The following TSNAXIP1 variants were observed in gnomAD, a reference collection of about 807,000 sequenced individuals.
TSNAXIP1 encodes translin-associated factor X-interacting protein 1.
TSNAXIP1 carries 89 observed loss-of-function variants against 84.8 expected under a neutral mutation model. The ratio of observed to expected loss-of-function variants is 1.05; its 90% CI spans 0.88 to 1.25. The LOEUF is 1.25. Ranked by LOEUF, TSNAXIP1 falls within the 50% of genes most tolerant of loss-of-function variation. The pLI, the probability that TSNAXIP1 is intolerant of heterozygous loss-of-function variation, is 0.00. For missense variants in TSNAXIP1, 874 were observed against 887.6 expected, an observed-to-expected ratio of 0.98 and a Z score of 0.20; for synonymous variants, 347 against 335.2, an observed-to-expected ratio of 1.04 and a Z score of -0.39.
rs539290596 is a variant in TSNAXIP1 at position 67,823,696 on chromosome 16, A to C, written c.458A>C (p.Lys153Thr). The change falls in exon 5 of 16, where the codon AAG becomes ACG. Residue 153 changes from lysine (K) to threonine (T), a missense_variant. Physicochemically the swap from Lys to Thr is moderately conservative, Grantham distance 78. Coordinates refer to ENST00000561639, the MANE Select transcript of TSNAXIP1 (RefSeq NM_001288990.3). ...TACAAGCCATTACTATCCTCCATCA[A>C]GAATGCGTATGAGGGGATGCTGGGT... ...KTYKPLLSSI[K>T]NAYEGMLAHQ... 4 of 1,613,502 alleles carry C rather than the reference A, an allele frequency of 2.5e-6. No homozygotes were observed. Among genetic ancestry groups the C allele is most frequent in the Non-Finnish European group, 3.4e-6 (4 of 1,179,694 alleles).
intron 13 of TSNAXIP1, 51 bp downstream of exon 13, chr16:67,827,123 T>C (rs770274864): frequency 6.8e-6 from 11 of 1,607,348 alleles, no homozygotes; most frequent in South Asian, 5.5e-5. Flanking sequence ...TATTCCTGCA[T>C]CTGTAGGGAA....
In TSNAXIP1 at chr16:67,828,020, A is replaced by G; in HGVS notation, c.*27A>G. 6.2e-7 allele frequency: 1 copy of G among 1,609,074 alleles called. No homozygotes were observed. ...AACTTGTGGGCAGCCTGCGTACTCCAGTCCTGCTAACCCCTAGCTTTTAAT... is the reference window on the plus strand; with the variant it reads ...AACTTGTGGGCAGCCTGCGTACTCCGGTCCTGCTAACCCCTAGCTTTTAAT... On this transcript the variant is annotated 3_prime_UTR_variant, in exon 16 of 16. Transcript: ENST00000561639.
At chr16:67,822,947 T>C (rs2057179210) in intron 4 of TSNAXIP1, among the ~76,000 whole-genome samples, 1 of 152,174 alleles carries the variant, frequency 6.6e-6, no homozygotes. Flanking sequence ...GGTACAACCT[T>C]CAATCTCCTG....
At chr16:67,826,912 G>T in intron 12 of TSNAXIP1, 51 bp from the exon 13 acceptor site, 1 of 1,612,670 alleles carries the variant, frequency 6.2e-7, no homozygotes, top group Non-Finnish European at 8.5e-7. Flanking sequence ...GACCAGCTTT[G>T]CCCCCACCAC....
intron 1 of TSNAXIP1, among the ~76,000 whole-genome samples, chr16:67,811,221 G>T (rs1026982801): frequency 5.4e-5 from 8 of 149,246 alleles, no homozygotes; most frequent in African/African-American, 2.0e-4. Flanking sequence ...TTGGATAAGT[G>T]TACAGGCCCT....
At chr16:67,810,649 C>T (rs1013934840) in intron 1 of TSNAXIP1, among the ~76,000 whole-genome samples, 6 of 151,944 alleles carry the variant, frequency 3.9e-5, no homozygotes, top group Admixed American at 3.9e-4. Flanking sequence ...AAATAAATAA[C>T]TGAGTTTGGT....
intron 1 of TSNAXIP1, among the ~76,000 whole-genome samples, chr16:67,808,154 C>A (rs2055651199): frequency 6.6e-6 from 1 of 151,878 alleles, no homozygotes; most frequent in Admixed American, 6.6e-5. Flanking sequence ...TAATAGGCAC[C>A]CAGTAAGTGT....
chr16:67,820,142 GA>G (rs1262824315), intron 2 of TSNAXIP1, among the ~76,000 whole-genome samples: 1 of 150,620 alleles, frequency 6.6e-6, no homozygotes, highest in Non-Finnish European at 1.5e-5. Context: ...ATTTTTAGTA[GA>G]GACGGGGTTT....
At chr16:67,809,717 G>A (rs1229076476) in intron 1 of TSNAXIP1, among the ~76,000 whole-genome samples, 1 of 152,104 alleles carries the variant, frequency 6.6e-6, no homozygotes, top group African/African-American at 2.4e-5. Flanking sequence ...GGAGTCTGAG[G>A]TGGGTACATC....
chr16:67,824,734 ACTC>A lies in TSNAXIP1; in HGVS notation c.634_636del (p.Leu212del). The A allele has an allele frequency of 6.2e-7, 1 of 1,614,068 alleles. No homozygotes were observed. Among genetic ancestry groups the A allele is most frequent in the Non-Finnish European group, 8.5e-7 (1 of 1,179,998 alleles). On this transcript the variant is annotated inframe_deletion, in exon 6 of 16. Transcript: ENST00000561639. ...AGAAAGAGAAGATGAACTTGCTAAA[ACTC>A]ATCGACAAAAAGAATGAGGAGAAGA...
chr16:67,825,672 T>G lies in TSNAXIP1; in HGVS notation c.820T>G (p.Trp274Gly). ...DMSLAQSPGI[W>G]GEDPVKLTLA... ...TGGGCCCCTTCCCCTGGCAGGCATC[T>G]GGGGGGAGGACCCTGTGAAGTTAAC... The change falls in exon 8 of 16, where the codon TGG (tryptophan) becomes GGG (glycine). Residue 274 changes from tryptophan to glycine, a missense_variant. Transcript: ENST00000561639. The G allele has an allele frequency of 1.9e-6, 3 of 1,610,152 alleles. No homozygotes were observed. The highest frequency in any genetic ancestry group is 1.7e-6 in the Non-Finnish European group (2 of 1,177,180).
chr16:67,812,561 G>A (rs949589514), intron 1 of TSNAXIP1, among the ~76,000 whole-genome samples: 2 of 151,746 alleles, frequency 1.3e-5, no homozygotes, highest in African/African-American at 4.8e-5. Context: ...AGCTACTCAG[G>A]AGGCTGAGGC....
intron 4 of TSNAXIP1, among the ~76,000 whole-genome samples, chr16:67,822,826 G>A (rs1315601705): frequency 6.6e-6 from 1 of 152,168 alleles, no homozygotes; most frequent in East Asian, 1.9e-4. Flanking sequence ...CAAACTCAGG[G>A]CTGACTCTGG....
intron 2 of TSNAXIP1, among the ~76,000 whole-genome samples, chr16:67,818,328 A>G (rs1399599142): frequency 1.3e-5 from 2 of 152,182 alleles, no homozygotes; most frequent in Non-Finnish European, 2.9e-5. Flanking sequence ...CAGCCTGGCA[A>G]CACAGGGAGA....
At chr16:67,820,020 G>A (rs8059990) in intron 2 of TSNAXIP1, among the ~76,000 whole-genome samples, 11,655 of 151,698 alleles carry the variant, frequency 0.077, 663 homozygotes, top group Middle Eastern at 0.2. Flanking sequence ...GGGTTTCACT[G>A]TGTTAACCAG....
intron 1 of TSNAXIP1, chr16:67,807,737 C>A: frequency 4.7e-6 from 1 of 211,012 alleles, no homozygotes; most frequent in Non-Finnish European, 9.9e-6. Context: ...CCCACTTCGA[C>A]CTCTCAAACT....
rs780156759 is a variant in TSNAXIP1, at chr16:67,824,713, AGAG to A, written c.613_615del (p.Glu205del). The A allele has an allele frequency of 6.2e-7, 1 of 1,614,206 alleles. No individual in the cohort carries two copies. The highest frequency in any genetic ancestry group is 1.1e-5 in the South Asian group (1 of 91,088). On this transcript the variant is annotated inframe_deletion, in exon 6 of 16. Transcript: ENST00000561639. ...AATATGAAATCTCCCTGCTCAAGAA[AGAG>A]AAGATGAACTTGCTAAAACTCATCG...
At chr16:67,815,600 A>C (rs927527308) in intron 2 of TSNAXIP1, among the ~76,000 whole-genome samples, 1 of 151,752 alleles carries the variant, frequency 6.6e-6, no homozygotes, top group African/African-American at 2.4e-5. Flanking sequence ...CCCATGCTGA[A>C]CCAATCCTCC....
chr16:67,810,567 C>T (rs2055962407), intron 1 of TSNAXIP1, among the ~76,000 whole-genome samples: 1 of 151,458 alleles, frequency 6.6e-6, no homozygotes, highest in Admixed American at 6.6e-5. Flanking sequence ...TGCAGTGAGC[C>T]GAGGTCATGC....
Sources: gnomAD v4.1 joint callset for allele counts (sites outside exome capture counted in the v4.1 genomes callset) on GRCh38, gnomAD v4.1.1 for gene constraint, MANE v1.5 for transcripts, NCBI Gene and HGNC (gene_info 2026-07-23, HGNC 2026-07-21) for gene names.